The following AP2A1 variants were observed in gnomAD, a reference collection of about 807,000 sequenced individuals.
The protein encoded by AP2A1 is adaptor related protein complex 2 subunit alpha 1, also known as AP-2 complex subunit alpha-1.
Under a neutral mutation model 107.3 loss-of-function variants are expected in AP2A1, and 21 were observed. The ratio of observed to expected loss-of-function variants is 0.20; its 90% CI spans 0.14 to 0.28. The LOEUF (loss-of-function observed/expected upper bound fraction) is 0.28. Ranked by LOEUF, AP2A1 falls within the 10% of genes least tolerant of loss-of-function variation. The pLI is 1.00. For missense variants in AP2A1, 873 were observed against 1,307.7 expected (o/e 0.67, Z 5.13); for synonymous variants, 602 against 564.8 (o/e 1.07, Z -0.93).
intron 1 of AP2A1, among the ~76,000 whole-genome samples, chr19:49,779,497 A>AC (rs1245670652): frequency 2.0e-5 from 3 of 150,766 alleles, no homozygotes; most frequent in African/African-American, 7.3e-5. Context: ...CAAAAAAAAA[A>AC]AAAAAAAAAA....
chr19:49,774,378 G>A (rs1600215666), intron 1 of AP2A1, among the ~76,000 whole-genome samples: 1 of 152,050 alleles, frequency 6.6e-6, no homozygotes, highest in Admixed American at 6.6e-5. Context: ...GGGTCTTGGT[G>A]GCCCAAATAG....
chr19:49,800,494 G>A (rs1047993567), intron 11 of AP2A1, among the ~76,000 whole-genome samples: 1 of 152,200 alleles, frequency 6.6e-6, no homozygotes, highest in African/African-American at 2.4e-5. Flanking sequence ...GTCTCACTCT[G>A]TTGCCCAGGC....
intron 6 of AP2A1, among the ~76,000 whole-genome samples, chr19:49,794,153 G>T (rs1405540636): frequency 6.6e-6 from 1 of 151,480 alleles, no homozygotes; most frequent in Non-Finnish European, 1.5e-5. Flanking sequence ...ACCCGCCTCG[G>T]CCTCCTAAAG....
chr19:49,799,796 T>C (rs377250932), intron 10 of AP2A1, 30 bp downstream of exon 10: 3 of 1,605,722 alleles, frequency 1.9e-6, no homozygotes, highest in African/African-American at 2.7e-5. Context: ...GGCTGGACTC[T>C]TGGGTCTGAG....
At chr19:49,768,225 TGTC>T (rs2084523151) in intron 1 of AP2A1, among the ~76,000 whole-genome samples, 1 of 151,870 alleles carries the variant, frequency 6.6e-6, no homozygotes, top group Non-Finnish European at 1.5e-5. Flanking sequence ...CAGGAAGAGT[TGTC>T]GTGACGATGG....
chr19:49,803,949 CCTT>C (rs1459613230), intron 18 of AP2A1: 3 of 157,828 alleles, frequency 1.9e-5, no homozygotes, highest in Admixed American at 6.0e-5. Flanking sequence ...CCTGAAAACT[CCTT>C]CTGGCCGGGC....
At chr19:49,789,336 G>A (rs1418839418) in intron 4 of AP2A1, among the ~76,000 whole-genome samples, 1 of 152,094 alleles carries the variant, frequency 6.6e-6, no homozygotes, top group Non-Finnish European at 1.5e-5. Context: ...TGTCTCCCAG[G>A]TTGAAGTGCA....
chr19:49,806,071 GTAACTAA>G, intron 21 of AP2A1, 41 bp from the exon 22 acceptor site: 2 of 1,595,810 alleles, frequency 1.3e-6, no homozygotes, highest in African/African-American at 1.3e-5. Flanking sequence ...CCACTGTGTG[GTAACTAA>G]CAGCTCTGGC....
rs772042553 is a variant in AP2A1, at chr19:49,800,952, C to A, written c.1456-9C>A. Reference sequence around the variant, plus strand: ...TTGTCCTCTCCACGCCCTTCCCCACCCCACTCAGGCGCTCCAGGCCCCTGC... The same window carrying A: ...TTGTCCTCTCCACGCCCTTCCCCACACCACTCAGGCGCTCCAGGCCCCTGC... On this transcript the variant is annotated splice_polypyrimidine_tract_variant and intron_variant, in intron 11 of 22. Transcript: ENST00000354293. 3 of 1,587,756 alleles carry A rather than the reference C, an allele frequency of 1.9e-6. No individual in the cohort carries two copies. The East Asian group carries it at 6.8e-5, about 36-fold the overall frequency.
intron 7 of AP2A1, among the ~76,000 whole-genome samples, chr19:49,797,974 C>G (rs1407911137): frequency 6.6e-6 from 1 of 152,130 alleles, no homozygotes; most frequent in African/African-American, 2.4e-5. Flanking sequence ...GACTAGCCCC[C>G]CTACACCTGT....
intron 5 of AP2A1, 126 bp from the exon 6 acceptor site, chr19:49,792,865 T>C (rs2073163978): frequency 3.7e-6 from 3 of 817,548 alleles, no homozygotes; most frequent in African/African-American, 1.7e-5. Flanking sequence ...CAGTGACACA[T>C]GTGCACACCC....
intron 18 of AP2A1, 110 bp downstream of exon 18, chr19:49,803,486 G>A (rs1242767898): frequency 1.1e-5 from 9 of 851,720 alleles, no homozygotes; most frequent in South Asian, 7.2e-5. Context: ...TCTTGGGCAC[G>A]CAATTAGTTC....
At chr19:49,782,844 C>T in intron 4 of AP2A1, 120 bp downstream of exon 4, 2 of 1,211,890 alleles carry the variant, frequency 1.7e-6, no homozygotes, top group Non-Finnish European at 2.2e-6. Flanking sequence ...TGTGGGCTAA[C>T]GCTGGGCTGG....
intron 3 of AP2A1, among the ~76,000 whole-genome samples, 151 bp downstream of exon 3, chr19:49,782,240 G>C (rs1318464749): frequency 7.5e-6 from 1 of 132,786 alleles, no homozygotes; most frequent in South Asian, 2.5e-4. Flanking sequence ...GCTCTGGACT[G>C]CTGGGTCTGA....
chr19:49,777,634 CAAA>C (rs750227185), intron 1 of AP2A1, among the ~76,000 whole-genome samples: 3 of 95,804 alleles, frequency 3.1e-5, no homozygotes, highest in South Asian at 3.0e-4. Context: ...GACTCCATCA[CAAA>C]AAAAAAAAAA....
intron 11 of AP2A1, among the ~76,000 whole-genome samples, 196 bp downstream of exon 11, chr19:49,800,346 G>T (rs1315377238): frequency 6.6e-6 from 1 of 152,198 alleles, no homozygotes; most frequent in Non-Finnish European, 1.5e-5. Flanking sequence ...CTGATGTGAG[G>T]AGTCCCCAGG....
Position 49,767,822 on chromosome 19 carries a change from A to G in AP2A1, c.67+622A>G, listed in dbSNP as rs369443442. Among the ~76,000 whole-genome samples, 16 of 152,064 alleles carry G rather than the reference A, an allele frequency of 1.1e-4. 2 individuals are homozygous for G. Among genetic ancestry groups the G allele is most frequent in the Admixed American group, 9.8e-4 (15 of 15,264 alleles). On this transcript the variant is annotated intron_variant, in intron 1 of 22. Transcript: ENST00000354293. ...GGAGACTATAAGGACACCCTGGTGAAGGATAGAGGGGCTTCAGGGTGGGAG... is the reference window on the plus strand; with the variant it reads ...GGAGACTATAAGGACACCCTGGTGAGGGATAGAGGGGCTTCAGGGTGGGAG...
At chr19:49,780,453 G>A (rs1346100421) in intron 1 of AP2A1, among the ~76,000 whole-genome samples, 4 of 152,174 alleles carry the variant, frequency 2.6e-5, no homozygotes, top group Non-Finnish European at 5.9e-5. Flanking sequence ...GCGTGTTCCC[G>A]GAGCAAAATG....
At chr19:49,795,805 C>A (rs2073206429) in intron 7 of AP2A1, 67 bp downstream of exon 7, 1 of 1,194,836 alleles carries the variant, frequency 8.4e-7, no homozygotes, top group South Asian at 1.3e-5. Flanking sequence ...CCTCCTGCTC[C>A]ACGGCGCACC....
Sources: gnomAD v4.1 joint callset for allele counts (sites outside exome capture counted in the v4.1 genomes callset) on GRCh38, gnomAD v4.1.1 for gene constraint, MANE v1.5 for transcripts, NCBI Gene and HGNC (gene_info 2026-07-23, HGNC 2026-07-21) for gene names.